Variants in MYL6 observed in about 807,000 individuals in gnomAD.
MYL6 encodes myosin light polypeptide 6.
A neutral mutation model predicts 20.3 loss-of-function variants in MYL6; 20 were observed. The observed-to-expected ratio is 0.98, with a 90% CI of 0.69 to 1.43. The LOEUF (loss-of-function observed/expected upper bound fraction) is 1.43, where lower values mean the gene tolerates loss of function less well. MYL6 is among the 40% of genes most tolerant of loss of function. The pLI is 0.00. For missense variants in MYL6, 164 were observed against 191.0 expected, an observed-to-expected ratio of 0.86 and a Z score of 0.83; for synonymous variants, 77 against 72.4, an observed-to-expected ratio of 1.06 and a Z score of -0.32.
At chr12:56,158,464 T>C in intron 1 of MYL6, 60 bp downstream of exon 1, 4 of 1,556,264 alleles carry the variant, frequency 2.6e-6, no homozygotes, top group Non-Finnish European at 3.5e-6. Flanking sequence ...AAGAGACGGG[T>C]GGGGGGCGAG....
In MYL6 at chr12:56,160,657, G is replaced by T; in HGVS notation, c.*3G>T. The T allele has an allele frequency of 6.2e-7, 1 of 1,614,082 alleles. No homozygotes were observed. The highest frequency in any genetic ancestry group is 2.2e-5 in the East Asian group (1 of 44,886). On this transcript the variant is annotated 3_prime_UTR_variant, in exon 6 of 7. Coordinates refer to ENST00000550697, the MANE Select transcript of MYL6 (RefSeq NM_021019.5). The stretch of plus-strand genomic sequence containing the variant: ...TGAGGCATATCCTGTCGGGGTGACG[G>T]GCCCATGGGGCGGGTACGGCTCCTC...
chr12:56,159,826 C>A, intron 3 of MYL6, 96 bp downstream of exon 3: 2 of 1,536,532 alleles, frequency 1.3e-6, no homozygotes, highest in South Asian at 1.3e-5. Context: ...CAAACTCAAG[C>A]AAGTCTGGAT....
chr12:56,160,188 CCT>C (rs576530585), intron 4 of MYL6, 40 bp downstream of exon 4: 40 of 1,613,474 alleles, frequency 2.5e-5, no homozygotes, highest in Admixed American at 1.0e-4. Context: ...GAGATGGCAC[CCT>C]GAGGTACCTC....
At chr12:56,159,562 T>C (rs1255530467) in intron 2 of MYL6, 25 bp from the exon 3 acceptor site, 1 of 1,610,022 alleles carries the variant, frequency 6.2e-7, no homozygotes, top group Non-Finnish European at 8.5e-7. Context: ...TCAAATCCTG[T>C]GTTGACATTC....
rs750983766 is a variant in MYL6, at chr12:56,159,939, T to A, written c.176-36T>A. 19 of 1,585,500 alleles carry A rather than the reference T, an allele frequency of 1.2e-5. No homozygotes were observed. The African/African-American group carries it at 1.9e-4, about 16-fold the overall frequency. ...CCCCTGTCCTGAGAACTTGTGTTAC[T>A]TCTCTGGCCTGACACTTCCACCTCC... On this transcript the variant is annotated intron_variant, in intron 3 of 6. Transcript: ENST00000550697.
At chr12:56,158,892 T>G in intron 2 of MYL6, 181 bp downstream of exon 2, 1 of 1,449,788 alleles carries the variant, frequency 6.9e-7, no homozygotes, top group South Asian at 1.4e-5. Context: ...TCCCTCCCCT[T>G]CCACTCTAGA....
rs768867009 is a variant in MYL6 at position 56,159,709 on chromosome 12, C to T, written c.154C>T (p.Leu52=). ...NPTNAEVLKV[L]GNPKSDEMNV... ...TACCAACGCCGAGGTGCTCAAGGTC[C>T]TGGGGAACCCCAAGAGTGATGGTGA... Residue 52 remains leucine (L), a synonymous_variant, in exon 3 of 7, where the codon CTG becomes TTG. Transcript: ENST00000550697. 1.1e-5 allele frequency: 17 copies of T among 1,614,130 alleles called. No homozygotes were observed. The highest frequency in any genetic ancestry group is 1.4e-5 in the Non-Finnish European group (17 of 1,179,972).
In MYL6 at chr12:56,160,057, T is replaced by G. The variant is rs1592261161; in HGVS notation, c.258T>G (p.Tyr86Ter). ...TVAKNKDQGT[Y>*]EDYVEGLRVF... ...CCAAGAACAAGGACCAGGGCACCTA[T>G]GAGGATTATGTCGAAGGACTTCGGG... Residue 86 changes from tyrosine (Y) to a stop codon, truncating the protein, a stop_gained, in exon 4 of 7, where the codon TAT (tyrosine) becomes TAG (stop). Coordinates refer to ENST00000550697, the MANE Select transcript of MYL6 (RefSeq NM_021019.5). LOFTEE classifies it high-confidence loss of function. The G allele has an allele frequency of 1.9e-6, 3 of 1,614,136 alleles. No homozygotes were observed. The highest frequency in any genetic ancestry group is 2.5e-6 in the Non-Finnish European group (3 of 1,180,018).
chr12:56,159,636 C>A lies in MYL6; in HGVS notation c.81C>A (p.Ile27=), dbSNP rs571614687. 1.2e-6 allele frequency: 2 copies of A among 1,614,090 alleles called. No individual in the cohort carries two copies. The highest frequency in any genetic ancestry group is 1.3e-5 in the African/African-American group (1 of 75,030). Residue 27 remains isoleucine (I), a synonymous_variant, in exon 3 of 7, where the codon ATC becomes ATA. Transcript: ENST00000550697. The part of the protein sequence containing the change: ...QLFDRTGDGK[I]LYSQCGDVMR... ...TTGACCGAACAGGTGATGGCAAGAT[C>A]CTGTACAGCCAGTGTGGGGATGTGA...
At position 56,158,474 on chromosome 12, in the gene MYL6, G is replaced by A. The variant is rs774779039; in HGVS notation, c.3+70G>A. The A allele has an allele frequency of 2.5e-5, 39 of 1,554,760 alleles. No individual in the cohort carries two copies. In the African/African-American group the frequency reaches 3.8e-4, roughly 15 times the overall value. ...GCAGGAAGAGACGGGTGGGGGGCGAGGAGAAGGCAGGGGTAGGAGGCAAAG... is the reference window on the plus strand; with the variant it reads ...GCAGGAAGAGACGGGTGGGGGGCGAAGAGAAGGCAGGGGTAGGAGGCAAAG... On this transcript the variant is annotated intron_variant, in intron 1 of 6. Coordinates refer to ENST00000550697, the MANE Select transcript of MYL6 (RefSeq NM_021019.5).
Position 56,160,686 on chromosome 12 carries a change from G to C in MYL6, c.*16+16G>C, listed in dbSNP as rs772603843. On this transcript the variant is annotated intron_variant, in intron 6 of 6. Transcript: ENST00000550697. ...CATGGGGCGGGTACGGCTCCTCCCA[G>C]CCTCTCCTCTAGTTGATCTCCCCAG... 1 of 1,613,718 alleles carries C rather than the reference G, an allele frequency of 6.2e-7. No individual in the cohort carries two copies.
chr12:56,160,470 G>T, intron 5 of MYL6, 150 bp downstream of exon 5: 1 of 1,415,976 alleles, frequency 7.1e-7, no homozygotes, highest in Non-Finnish European at 1.0e-6. Flanking sequence ...CCAGGAGTGG[G>T]AGGTCAGGGC....
At chr12:56,160,873 G>A in intron 6 of MYL6, 1 of 615,634 alleles carries the variant, frequency 1.6e-6, no homozygotes, top group Non-Finnish European at 2.9e-6. Context: ...CCTCTAGAAT[G>A]GGCCCTGAGG....
intron 2 of MYL6, 159 bp downstream of exon 2, chr12:56,158,870 TCA>T (rs1331763380): frequency 1.2e-5 from 17 of 1,466,720 alleles, no homozygotes; most frequent in Admixed American, 5.2e-5. Context: ...TTTTCTTTTC[TCA>T]CTTTCTTCCT....
In MYL6 at chr12:56,160,677, C is replaced by T. The variant is rs1871737509; in HGVS notation, c.*16+7C>T. The stretch of plus-strand genomic sequence containing the variant: ...TGACGGGCCCATGGGGCGGGTACGG[C>T]TCCTCCCAGCCTCTCCTCTAGTTGA... On this transcript the variant is annotated splice_region_variant and intron_variant, in intron 6 of 6. Transcript: ENST00000550697. 2 of 1,613,842 alleles carry T rather than the reference C, an allele frequency of 1.2e-6. No homozygotes were observed.
intron 6 of MYL6, chr12:56,160,912 G>A (rs1251647157): frequency 1.7e-6 from 1 of 592,738 alleles, no homozygotes; most frequent in East Asian, 2.8e-5. Context: ...GGGTGCTGGT[G>A]TCTGGGAACT....
intron 1 of MYL6, 136 bp from the exon 2 acceptor site, chr12:56,158,548 C>T (rs761057733): frequency 3.7e-6 from 6 of 1,612,278 alleles, no homozygotes; most frequent in African/African-American, 1.3e-5. Context: ...AAGACTGGGG[C>T]CCTGCGGGGA....
rs947680676 is a variant in MYL6, at chr12:56,159,460, T to G, written c.32-127T>G. The G allele has an allele frequency of 2.4e-5, 31 of 1,271,252 alleles. No homozygotes were observed. In the Admixed American group the frequency reaches 6.7e-4, roughly 27 times the overall value. 78.7% of individuals were successfully genotyped at this position (1,271,252 alleles called of 1,614,324 possible). On this transcript the variant is annotated intron_variant, in intron 2 of 6. Transcript: ENST00000550697. ...GAAATAGAGCCCTCTTAAGTAGACT[T>G]TGGTGTACAGTTTGGTGCAGATATC...
In MYL6 at chr12:56,160,547, A is replaced by C. The variant is rs1001492387; in HGVS notation, c.428-79A>C. 1.0e-5 allele frequency: 15 copies of C among 1,501,738 alleles called. No homozygotes were observed. In the African/African-American group the frequency reaches 2.1e-4, roughly 21 times the overall value. The allele number at this position is 1,501,738 out of a possible 1,614,324, so 93.0% of individuals were successfully genotyped here. On this transcript the variant is annotated intron_variant, in intron 5 of 6. Coordinates refer to ENST00000550697, the MANE Select transcript of MYL6 (RefSeq NM_021019.5). ...GAAGGAATGAGAAGTGAAATAATGGAATGTCTGTCCCCACTGCCTGACCCC... is the reference window on the plus strand; with the variant it reads ...GAAGGAATGAGAAGTGAAATAATGGCATGTCTGTCCCCACTGCCTGACCCC...
Sources: gnomAD v4.1 joint callset for allele counts on GRCh38, gnomAD v4.1.1 for gene constraint, MANE v1.5 for transcripts, NCBI Gene and HGNC (gene_info 2026-07-23, HGNC 2026-07-21) for gene names.